Variants in KAZN observed in about 807,000 individuals in gnomAD.
KAZN encodes the protein kazrin, periplakin interacting protein.
Under a neutral mutation model 87.4 loss-of-function variants are expected in KAZN, and 40 were observed. That is an observed-to-expected ratio of 0.46 (90% CI 0.36 to 0.60). The LOEUF (loss-of-function observed/expected upper bound fraction) is 0.60. Ranked by LOEUF, KAZN falls within the 20% of genes least tolerant of loss-of-function variation. The pLI is 0.00. For synonymous variants in KAZN, 466 were observed against 458.3 expected (o/e 1.02, Z -0.22); for missense variants, 898 against 1,073.9 (o/e 0.84, Z 2.29).
chr1:14,434,338 G>A, intron 2 of KAZN, among the ~76,000 whole-genome samples: 1 of 152,156 alleles, frequency 6.6e-6, no homozygotes, highest in East Asian at 1.9e-4. Context: ...GGGTTCTAAT[G>A]GCCAGCAGCA....
intron 2 of KAZN, among the ~76,000 whole-genome samples, chr1:14,337,542 C>T (rs1458013449): frequency 6.6e-6 from 1 of 152,210 alleles, no homozygotes; most frequent in Non-Finnish European, 1.5e-5. Flanking sequence ...AAATTGTCCT[C>T]CTTTCCTCCA....
intron 1 of KAZN, among the ~76,000 whole-genome samples, chr1:14,171,983 A>G (rs1163289339): frequency 1.9e-5 from 2 of 105,410 alleles, no homozygotes; most frequent in Non-Finnish European, 3.6e-5. Context: ...TCCTCTGCCA[A>G]CTCATGAATG....
At chr1:14,993,656 C>T (rs1374896877) in intron 2 of KAZN, among the ~76,000 whole-genome samples, 1 of 152,114 alleles carries the variant, frequency 6.6e-6, no homozygotes, top group Non-Finnish European at 1.5e-5. Context: ...GGGGGGTGAT[C>T]GCGCTGACCC....
chr1:14,708,746 C>T (rs1018617454), intron 1 of KAZN, among the ~76,000 whole-genome samples: 1 of 152,194 alleles, frequency 6.6e-6, no homozygotes, highest in Non-Finnish European at 1.5e-5. Context: ...TCTCTTTTTG[C>T]TTGAGTATTC....
intron 2 of KAZN, among the ~76,000 whole-genome samples, chr1:14,226,864 A>G (rs1014076196): frequency 0.014 from 8 of 560 alleles, no homozygotes; most frequent in South Asian, 0.081. Context: ...CATGGACACA[A>G]AAAAAGGGAA....
intron 1 of KAZN, among the ~76,000 whole-genome samples, chr1:14,068,555 C>T (rs12754997): frequency 0.019 from 2,838 of 152,140 alleles, 33 homozygotes; most frequent in Non-Finnish European, 0.028. Flanking sequence ...GCCAGAAAAC[C>T]ATTGGCCTAA....
chr1:14,015,782 A>G (rs1039301303), intron 1 of KAZN, among the ~76,000 whole-genome samples: 1 of 151,512 alleles, frequency 6.6e-6, no homozygotes, highest in African/African-American at 2.4e-5. Flanking sequence ...CAATCCTGGG[A>G]GGTCAGTGAG....
intron 1 of KAZN, among the ~76,000 whole-genome samples, chr1:14,821,146 T>C (rs368086097): frequency 2.0e-5 from 3 of 152,330 alleles, no homozygotes; most frequent in South Asian, 2.1e-4. Flanking sequence ...GTCACTGTTA[T>C]GGGCTTAGTT....
At chr1:15,106,206 G>A (rs144745419) in intron 13 of KAZN, among the ~76,000 whole-genome samples, 200 of 152,258 alleles carry the variant, frequency 1.3e-3, no homozygotes, top group African/African-American at 4.2e-3. Context: ...ACTTGAGCCC[G>A]GGAGTGTGAG....
intron 2 of KAZN, among the ~76,000 whole-genome samples, chr1:14,338,203 A>G (rs820620): frequency 0.14 from 20,736 of 151,954 alleles, 1,595 homozygotes; most frequent in South Asian, 0.28. Context: ...GCTGGGCGCA[A>G]TGGCTCACAC....
intron 1 of KAZN, among the ~76,000 whole-genome samples, chr1:14,098,580 G>T (rs1199322376): frequency 6.6e-6 from 1 of 152,088 alleles, no homozygotes; most frequent in Non-Finnish European, 1.5e-5. Context: ...TCTGCCTCTG[G>T]CTCCCCTTCA....
intron 2 of KAZN, among the ~76,000 whole-genome samples, chr1:14,547,954 T>G (rs1673264034): frequency 6.6e-6 from 1 of 151,770 alleles, no homozygotes; most frequent in African/African-American, 2.4e-5. Flanking sequence ...GTGTCCAATA[T>G]TTTGGATTCC....
intron 2 of KAZN, among the ~76,000 whole-genome samples, chr1:14,429,197 C>T (rs1014206932): frequency 6.6e-6 from 1 of 152,182 alleles, no homozygotes; most frequent in African/African-American, 2.4e-5. Context: ...GAATGGTCAT[C>T]TCCTAAGAAT....
At chr1:14,344,671 G>A (rs1183488185) in intron 2 of KAZN, among the ~76,000 whole-genome samples, 1 of 152,132 alleles carries the variant, frequency 6.6e-6, no homozygotes, top group Non-Finnish European at 1.5e-5. Flanking sequence ...GACTAAGAGG[G>A]GAGAGACATC....
chr1:14,093,639 T>C (rs908055956), intron 1 of KAZN, among the ~76,000 whole-genome samples: 8 of 152,102 alleles, frequency 5.3e-5, no homozygotes, highest in Non-Finnish European at 1.2e-4. Flanking sequence ...TTCTGAGTAT[T>C]TGAGTCTAAG....
chr1:14,093,762 A>G (rs1644062050), intron 1 of KAZN, among the ~76,000 whole-genome samples: 1 of 152,250 alleles, frequency 6.6e-6, no homozygotes, highest in Non-Finnish European at 1.5e-5. Context: ...TTCAGATTGA[A>G]GACCCAAAAG....
At chr1:14,304,594 C>T in intron 2 of KAZN, 1 of 398,340 alleles carries the variant, frequency 2.5e-6, no homozygotes, top group Non-Finnish European at 4.4e-6. Flanking sequence ...TTTCAGAAGT[C>T]ATCCATAAAC....
At chr1:14,023,154 G>GTAA (rs1400417296) in intron 1 of KAZN, among the ~76,000 whole-genome samples, 7 of 151,752 alleles carry the variant, frequency 4.6e-5, no homozygotes, top group South Asian at 2.1e-4. Context: ...TCTCTACAAA[G>GTAA]TAATAATAAT....
At chr1:14,266,466 T>A (rs1651480051) in intron 2 of KAZN, among the ~76,000 whole-genome samples, 1 of 152,258 alleles carries the variant, frequency 6.6e-6, no homozygotes, top group South Asian at 2.1e-4. Flanking sequence ...GTTAAATTAC[T>A]ATGGCATATT....
Sources: gnomAD v4.1 joint callset for allele counts (sites outside exome capture counted in the v4.1 genomes callset) on GRCh38, gnomAD v4.1.1 for gene constraint, MANE v1.5 for transcripts, NCBI Gene and HGNC (gene_info 2026-07-23, HGNC 2026-07-21) for gene names.